Variants in FAM135B observed in about 807,000 individuals in gnomAD.
FAM135B encodes the protein family with sequence similarity 135 member B.
A neutral mutation model predicts 127.7 loss-of-function variants in FAM135B; 43 were observed. That is an observed-to-expected ratio of 0.34 (90% CI 0.26 to 0.43). The LOEUF is 0.43. Among genes scored for constraint, FAM135B ranks in the 20% least tolerant of loss-of-function variants. The pLI is 1.00. For synonymous variants in FAM135B, 670 were observed against 665.1 expected (o/e 1.01, Z -0.11); for missense variants, 1,558 against 1,725.6 (o/e 0.90, Z 1.72).
chr8:138,425,134 A>G (rs1163765842), intron 1 of FAM135B, among the ~76,000 whole-genome samples: 1 of 152,228 alleles, frequency 6.6e-6, no homozygotes, highest in Non-Finnish European at 1.5e-5. Flanking sequence ...CAAGCATTAT[A>G]TATTTTAAAA....
Position 138,152,562 on chromosome 8 carries a change from G to C in FAM135B, c.1913C>G (p.Ser638Cys). The change falls in exon 13 of 20, where the codon TCT becomes TGT. Residue 638 changes from serine to cysteine, a missense_variant. Around this residue, in one of 5 missense-constraint regions of FAM135B, gnomAD observed 923 missense variants for 865.3 expected, o/e 1.07. Transcript: ENST00000395297. ...AGAACTTAGTGGATCACAGGGCTCA[G>C]AGGGGGTGAGTTTCAAGCTTAGCAG... ...MVLLSLKLTP[S>C]EPCDPLSSTL... 2 of 1,614,188 alleles carry C rather than the reference G, an allele frequency of 1.2e-6. No homozygotes were observed. Among genetic ancestry groups the C allele is most frequent in the Non-Finnish European group, 1.7e-6 (2 of 1,180,022 alleles).
In FAM135B at chr8:138,151,910, A is replaced by C. The variant is rs2130748049; in HGVS notation, c.2565T>G (p.Phe855Leu). The C allele has an allele frequency of 1.9e-6, 3 of 1,614,174 alleles. No individual in the cohort carries two copies. Among genetic ancestry groups the C allele is most frequent in the Non-Finnish European group, 2.5e-6 (3 of 1,180,038 alleles). Residue 855 changes from phenylalanine (F) to leucine (L), a missense_variant, in exon 13 of 20, where the codon TTT becomes TTG. By Grantham distance (22) the Phe-to-Leu change is conservative. Transcript: ENST00000395297. Reference sequence around the variant, plus strand: ...CAGGAAGACAGTGTCCTTGAGCATCAAACTGCTTCCCTTTCCCTTTGGGGA... The same window carrying C: ...CAGGAAGACAGTGTCCTTGAGCATCCAACTGCTTCCCTTTCCCTTTGGGGA... ...IDIPKGKGKQ[F>L]DAQGHCLPDG...
intron 1 of FAM135B, among the ~76,000 whole-genome samples, chr8:138,426,785 C>A (rs1029558301): frequency 3.4e-4 from 51 of 151,786 alleles, no homozygotes; most frequent in African/African-American, 1.2e-3. Flanking sequence ...CTATGAGACA[C>A]GAATTATGAT....
intron 1 of FAM135B, among the ~76,000 whole-genome samples, chr8:138,402,056 G>A (rs911139273): frequency 1.3e-5 from 2 of 152,142 alleles, no homozygotes; most frequent in African/African-American, 4.8e-5. Context: ...GAGACAGACA[G>A]AGACAGAGAG....
At chr8:138,183,031 G>A (rs1815218053) in intron 9 of FAM135B, among the ~76,000 whole-genome samples, 1 of 148,772 alleles carries the variant, frequency 6.7e-6, no homozygotes. Flanking sequence ...ACACACTCAG[G>A]CACACACACA....
At chr8:138,160,177 G>C (rs528938183) in intron 12 of FAM135B, among the ~76,000 whole-genome samples, 1 of 152,230 alleles carries the variant, frequency 6.6e-6, no homozygotes, top group South Asian at 2.1e-4. Flanking sequence ...AGACCCCTCA[G>C]ACCTCATCCT....
In FAM135B at chr8:138,478,101, G is replaced by C. The variant is rs986731483; in HGVS notation, c.-20+18570C>G. 5.1e-4 allele frequency among the ~76,000 whole-genome samples: 77 copies of C among 152,028 alleles called. 1 individual carries two copies. Among genetic ancestry groups the C allele is most frequent in the African/African-American group, 1.7e-3 (72 of 41,392 alleles). ...TTCCAGCGGAACCCCATGTTAACTG[G>C]AAGAAAACTACACATAATTTCTTCC... On this transcript the variant is annotated intron_variant, in intron 1 of 19. Coordinates refer to ENST00000395297, the MANE Select transcript of FAM135B (RefSeq NM_015912.4).
At chr8:138,335,660 G>A (rs377214746) in intron 2 of FAM135B, among the ~76,000 whole-genome samples, 6 of 152,280 alleles carry the variant, frequency 3.9e-5, no homozygotes, top group Non-Finnish European at 7.3e-5. Context: ...AATAATGGGA[G>A]ACTTTAACAC....
chr8:138,281,573 G>A (rs959608375), intron 3 of FAM135B, among the ~76,000 whole-genome samples: 1 of 151,956 alleles, frequency 6.6e-6, no homozygotes, highest in Non-Finnish European at 1.5e-5. Context: ...ATTCTCCAAT[G>A]TTGTTCCACT....
chr8:138,299,951 G>A (rs932871117), intron 3 of FAM135B, among the ~76,000 whole-genome samples: 6 of 151,636 alleles, frequency 4.0e-5, no homozygotes, highest in Admixed American at 6.6e-5. Flanking sequence ...ATCACCAAAA[G>A]TGAGAGTGGT....
chr8:138,362,437 T>C (rs1830489665), intron 2 of FAM135B, among the ~76,000 whole-genome samples: 1 of 152,104 alleles, frequency 6.6e-6, no homozygotes, highest in African/African-American at 2.4e-5. Context: ...ACCCTTTAAT[T>C]TATGAGACTT....
rs1341147245 is a variant in FAM135B at position 138,391,670 on chromosome 8, T to G, written c.-19-23668A>C. Among the ~76,000 whole-genome samples the G allele has an allele frequency of 2.6e-5, 4 of 152,230 alleles. No individual in the cohort carries two copies. The East Asian group carries it at 7.7e-4, about 29-fold the overall frequency. The stretch of plus-strand genomic sequence containing the variant: ...AACCTTCCCTTAGTCATTCTTGTAC[T>G]GTAATGATCACATAGACTAATATTT... On this transcript the variant is annotated intron_variant, in intron 1 of 19. Coordinates refer to ENST00000395297, the MANE Select transcript of FAM135B (RefSeq NM_015912.4).
chr8:138,360,845 A>G (rs1038834771), intron 2 of FAM135B, among the ~76,000 whole-genome samples: 2 of 152,090 alleles, frequency 1.3e-5, no homozygotes, highest in Non-Finnish European at 2.9e-5. Flanking sequence ...GGAACATATT[A>G]AAACACGGTC....
At chr8:138,211,508 G>A (rs1358790373) in intron 7 of FAM135B, among the ~76,000 whole-genome samples, 1 of 152,182 alleles carries the variant, frequency 6.6e-6, no homozygotes, top group Non-Finnish European at 1.5e-5. Flanking sequence ...AAATGTCATT[G>A]CATGGTTTTG....
chr8:138,198,981 C>A lies in FAM135B; in HGVS notation c.670-1312G>T, dbSNP rs569744911. Among the ~76,000 whole-genome samples, 70 of 152,270 alleles carry A rather than the reference C, an allele frequency of 4.6e-4. 1 individual carries two copies. The South Asian group carries it at 0.013, about 29-fold the overall frequency. ...TCATGTTCCCAGGCCACCTTGTCTGCCTGCTGGAAGAAACGCCAGGTGAGG... is the reference window on the plus strand; with the variant it reads ...TCATGTTCCCAGGCCACCTTGTCTGACTGCTGGAAGAAACGCCAGGTGAGG... On this transcript the variant is annotated intron_variant, in intron 7 of 19. Transcript: ENST00000395297.
intron 1 of FAM135B, among the ~76,000 whole-genome samples, chr8:138,485,587 G>T (rs1363481604): frequency 6.6e-6 from 1 of 152,122 alleles, no homozygotes; most frequent in East Asian, 1.9e-4. Context: ...CATTATTTTA[G>T]AGATAAAGGA....
chr8:138,483,579 GGAGA>G (rs977715118), intron 1 of FAM135B, among the ~76,000 whole-genome samples: 25 of 152,246 alleles, frequency 1.6e-4, no homozygotes, highest in African/African-American at 5.8e-4. Context: ...AGAGAGAGAG[GGAGA>G]GAGACAGGAG....
At chr8:138,366,929 C>G (rs867310606) in intron 2 of FAM135B, among the ~76,000 whole-genome samples, 1 of 151,980 alleles carries the variant, frequency 6.6e-6, no homozygotes. Flanking sequence ...TCTTGATAGC[C>G]CAAGCCTGCT....
intron 2 of FAM135B, among the ~76,000 whole-genome samples, chr8:138,360,612 C>T (rs1283506683): frequency 2.6e-5 from 4 of 152,198 alleles, no homozygotes; most frequent in Non-Finnish European, 2.9e-5. Context: ...GATTACTTGG[C>T]CTGTGCAATC....
Sources: gnomAD v4.1 joint callset for allele counts (sites outside exome capture counted in the v4.1 genomes callset) on GRCh38, gnomAD v4.1.1 for gene constraint, gnomAD v4.1.1 regional missense constraint, MANE v1.5 for transcripts, NCBI Gene and HGNC (gene_info 2026-07-23, HGNC 2026-07-21) for gene names.